The following CNTRL variants were observed in gnomAD, a reference collection of about 807,000 sequenced individuals.
CNTRL encodes the protein 110 kDa centrosomal protein.
Under a neutral mutation model 303.7 loss-of-function variants are expected in CNTRL, and 233 were observed. That is an observed-to-expected ratio of 0.77 (90% CI 0.69 to 0.86). The LOEUF is 0.86. Among genes scored for constraint, CNTRL ranks in the 40% least tolerant of loss-of-function variants. CNTRL has a pLI of 0.00. For missense variants in CNTRL, 2,524 were observed against 2,650.6 expected (o/e 0.95, Z 1.05); for synonymous variants, 900 against 922.2 (o/e 0.98, Z 0.44).
intron 15 of CNTRL, 136 bp from the exon 16 acceptor site, chr9:121,138,409 G>A: frequency 2.4e-6 from 2 of 819,546 alleles, no homozygotes; most frequent in South Asian, 4.0e-5. Context: ...TTAAATTTGG[G>A]AGTACAAACA....
chr9:121,146,391 C>T (rs1012154593), intron 23 of CNTRL, 135 bp downstream of exon 23: 18 of 853,826 alleles, frequency 2.1e-5, no homozygotes, highest in Admixed American at 6.6e-5. Flanking sequence ...GGTTCTGTAG[C>T]GTTTTTAATA....
chr9:121,115,288 G>A (rs1266766210), intron 11 of CNTRL, 88 bp downstream of exon 11: 3 of 616,394 alleles, frequency 4.9e-6, no homozygotes, highest in Non-Finnish European at 8.2e-6. Flanking sequence ...AATTTAAAAA[G>A]CAGTTAGCTG....
chr9:121,088,452 GACTCT>G lies in CNTRL; in HGVS notation c.129_133del (p.Leu44PhefsTer9). ...CACTTTCACCTTTGATTGGATCAGA[GACTCT>G]ACCTTTTCATTCTGGAGGACAGTGG... is the stretch of plus-strand genomic sequence containing the variant. On this transcript the variant is annotated frameshift_variant, in exon 3 of 44. Transcript: ENST00000373855. LOFTEE classifies it high-confidence loss of function. 6.2e-7 allele frequency: 1 copy of G among 1,612,924 alleles called. No individual in the cohort carries two copies.
chr9:121,096,232 GTTGGCAGT>G (rs2048885928), intron 5 of CNTRL, among the ~76,000 whole-genome samples, 182 bp from the exon 6 acceptor site: 1 of 152,190 alleles, frequency 6.6e-6, no homozygotes, highest in African/African-American at 2.4e-5. Flanking sequence ...GTAATAAAAA[GTTGGCAGT>G]TTAGCTGTTC....
rs573924780 is a variant in CNTRL, at chr9:121,102,755, TAGAC to T, written c.808+4191_808+4194del. Among the ~76,000 whole-genome samples, 60 of 152,220 alleles carry T rather than the reference TAGAC, an allele frequency of 3.9e-4. No homozygotes were observed. In the South Asian group the frequency reaches 4.2e-3, roughly 11 times the overall value. ...CACAAGCATTCCTATACACCAATGA[TAGAC>T]AGACAGAGAGCAGAATCATGAGTGA... On this transcript the variant is annotated intron_variant, in intron 7 of 43. Coordinates refer to ENST00000373855, the MANE Select transcript of CNTRL (RefSeq NM_007018.6).
At chr9:121,174,858 TCCACCTGGCACCTCCTA>T (rs1200497614) in intron 42 of CNTRL, among the ~76,000 whole-genome samples, 143 bp from the exon 43 acceptor site, 1 of 152,134 alleles carries the variant, frequency 6.6e-6, no homozygotes, top group Non-Finnish European at 1.5e-5. Context: ...ACACTAAGTA[TCCACCTGGCACCTCCTA>T]CAATTCTTTT....
intron 14 of CNTRL, among the ~76,000 whole-genome samples, chr9:121,128,797 C>T (rs2050686916): frequency 6.6e-6 from 1 of 152,182 alleles, no homozygotes; most frequent in Non-Finnish European, 1.5e-5. Context: ...AGTCTTTAAT[C>T]TATCTTGAAT....
chr9:121,100,847 C>T (rs2049127576), intron 7 of CNTRL, among the ~76,000 whole-genome samples: 1 of 152,214 alleles, frequency 6.6e-6, no homozygotes, highest in Admixed American at 6.5e-5. Flanking sequence ...ATCAATTCAA[C>T]AGGAAGAGCT....
chr9:121,124,075 C>T lies in CNTRL; in HGVS notation c.1795C>T (p.Leu599Phe). 6 of 1,603,206 alleles carry T rather than the reference C, an allele frequency of 3.7e-6. No homozygotes were observed. Among genetic ancestry groups the T allele is most frequent in the Non-Finnish European group, 5.1e-6 (6 of 1,176,664 alleles). The change falls in exon 13 of 44, where the codon CTT becomes TTT. Residue 599 changes from leucine to phenylalanine, a missense_variant. Leu to Phe is a conservative substitution (Grantham distance 22, BLOSUM62 0). Transcript: ENST00000373855. ...TEEIKDLEEQ[L>F]TEGQIAANEA... is the part of the protein sequence containing the mutation. The stretch of plus-strand genomic sequence containing the variant: ...AGAGATTAAGGACCTTGAAGAACAG[C>T]TTACTGAAGGTAAGACTTTCAGTAT...
At chr9:121,130,939 T>A (rs2050817895) in intron 14 of CNTRL, among the ~76,000 whole-genome samples, 1 of 152,114 alleles carries the variant, frequency 6.6e-6, no homozygotes, top group African/African-American at 2.4e-5. Flanking sequence ...GGTTGAGTGG[T>A]TTTGAGTGAG....
At chr9:121,081,695 G>C (rs1321219120) in intron 2 of CNTRL, among the ~76,000 whole-genome samples, 1 of 152,194 alleles carries the variant, frequency 6.6e-6, no homozygotes, top group Non-Finnish European at 1.5e-5. Flanking sequence ...ACGTGGAAAG[G>C]GGTATGAAGT....
At chr9:121,147,810 A>G (rs1484705956) in intron 23 of CNTRL, among the ~76,000 whole-genome samples, 1 of 152,206 alleles carries the variant, frequency 6.6e-6, no homozygotes, top group East Asian at 1.9e-4. Flanking sequence ...TCTCCCAGCA[A>G]TCCTAAAGGA....
chr9:121,136,522 C>A (rs545863123), intron 15 of CNTRL, among the ~76,000 whole-genome samples: 2 of 152,148 alleles, frequency 1.3e-5, no homozygotes, highest in Middle Eastern at 3.4e-3. Flanking sequence ...GTTGGTCAGG[C>A]TGGTCTACAA....
chr9:121,121,673 T>C (rs1356293716), intron 12 of CNTRL: 2 of 456,076 alleles, frequency 4.4e-6, no homozygotes, highest in Admixed American at 6.4e-5. Context: ...TTGGGCGTGA[T>C]TGGCCCCTGG....
chr9:121,120,666 G>T (rs1176867775), intron 12 of CNTRL, among the ~76,000 whole-genome samples: 3 of 152,152 alleles, frequency 2.0e-5, no homozygotes, highest in Non-Finnish European at 4.4e-5. Flanking sequence ...TTAGTAGCTG[G>T]ATTATGTGTT....
At chr9:121,116,380 A>AT (rs1211048673) in intron 11 of CNTRL, among the ~76,000 whole-genome samples, 38 of 138,352 alleles carry the variant, frequency 2.7e-4, no homozygotes, top group African/African-American at 6.9e-4. Flanking sequence ...TTTATTTTTT[A>AT]TTTTTATTTT....
intron 4 of CNTRL, among the ~76,000 whole-genome samples, chr9:121,092,459 A>C (rs868392313): frequency 7.1e-5 from 8 of 112,152 alleles, no homozygotes; most frequent in African/African-American, 2.1e-4. Flanking sequence ...ATATATCTAT[A>C]TATATATAAT....
rs539401468 is a variant in CNTRL, at chr9:121,175,073, G to T, written c.6803G>T (p.Arg2268Leu). The T allele has an allele frequency of 6.2e-7, 1 of 1,613,812 alleles. No homozygotes were observed. Among genetic ancestry groups the T allele is most frequent in the Admixed American group, 1.7e-5 (1 of 59,976 alleles). The change falls in exon 43 of 44, where the codon CGG becomes CTG. Residue 2268 changes from arginine (R) to leucine (L), a missense_variant. Transcript: ENST00000373855. ...GCAGAAGTATTAATTAAAGGAAAGC[G>T]GCAGACAGAGGGCACTTTACACAGT... ...KQAEVLIKGKRQTEGTLHSLR... is the reference protein window; with the variant it reads ...KQAEVLIKGKLQTEGTLHSLR...
Position 121,138,620 on chromosome 9 carries a change from T to C in CNTRL, c.2278T>C (p.Phe760Leu). The change falls in exon 16 of 44, where the codon TTC becomes CTC. Residue 760 changes from phenylalanine to leucine, a missense_variant. Physicochemically the swap from Phe to Leu is conservative, Grantham distance 22. Transcript: ENST00000373855. ...CAAGAATGCCCTTGGAAAAGCCCAG[T>C]TCTCAGAAGAAAAGGAGCAAGAGAA... is the stretch of plus-strand genomic sequence containing the variant. ...ALKNALGKAQFSEEKEQENSE... is the reference protein window; with the variant it reads ...ALKNALGKAQLSEEKEQENSE... 1 of 1,613,956 alleles carries C rather than the reference T, an allele frequency of 6.2e-7. No individual in the cohort carries two copies. The highest frequency in any genetic ancestry group is 1.1e-5 in the South Asian group (1 of 91,074).
Sources: gnomAD v4.1 joint callset for allele counts (sites outside exome capture counted in the v4.1 genomes callset) on GRCh38, gnomAD v4.1.1 for gene constraint, MANE v1.5 for transcripts, NCBI Gene and HGNC (gene_info 2026-07-23, HGNC 2026-07-21) for gene names.